The following TEX48 variants were observed in gnomAD, a reference collection of about 807,000 sequenced individuals.
TEX48 encodes the protein testis-expressed protein 48.
Under a neutral mutation model 13.2 loss-of-function variants are expected in TEX48, and 10 were observed. The ratio of observed to expected loss-of-function variants is 0.75; its 90% CI spans 0.47 to 1.28. The LOEUF (loss-of-function observed/expected upper bound fraction) is 1.28. TEX48 is among the 50% of genes most tolerant of loss of function. The pLI is 0.00. For synonymous variants in TEX48, 45 were observed against 52.3 expected, an observed-to-expected ratio of 0.86 and a Z score of 0.60; for missense variants, 116 against 139.4, an observed-to-expected ratio of 0.83 and a Z score of 0.84.
At chr9:114,681,298 A>T (rs1828195712) in intron 1 of TEX48, among the ~76,000 whole-genome samples, 1 of 152,202 alleles carries the variant, frequency 6.6e-6, no homozygotes, top group Non-Finnish European at 1.5e-5. Context: ...AGAGGGTAGT[A>T]GAACCACTTT....
chr9:114,669,098 C>T (rs1770733553), intron 3 of TEX48, among the ~76,000 whole-genome samples: 1 of 152,138 alleles, frequency 6.6e-6, no homozygotes. Flanking sequence ...GCCTCAGCCT[C>T]CCGAAGTGCT....
At chr9:114,671,907 A>G in intron 1 of TEX48, 80 bp from the exon 2 acceptor site, 2 of 644,410 alleles carry the variant, frequency 3.1e-6, no homozygotes, top group South Asian at 3.7e-5. Context: ...TAATGACAGC[A>G]AAATCCCACC....
chr9:114,670,191 T>C (rs761079884), intron 3 of TEX48, among the ~76,000 whole-genome samples: 7 of 152,230 alleles, frequency 4.6e-5, no homozygotes, highest in Middle Eastern at 3.2e-3. Flanking sequence ...CAGTAAGGGA[T>C]TTATCTGATC....
At chr9:114,668,106 C>A in intron 4 of TEX48, 100 bp downstream of exon 4, 1 of 1,424,910 alleles carries the variant, frequency 7.0e-7, no homozygotes, top group Non-Finnish European at 9.4e-7. Context: ...TCCATCTCCC[C>A]ATCTCGCTTA....
At chr9:114,681,442 A>G (rs1828199865) in intron 1 of TEX48, among the ~76,000 whole-genome samples, 1 of 152,214 alleles carries the variant, frequency 6.6e-6, no homozygotes, top group Non-Finnish European at 1.5e-5. Flanking sequence ...ATCTACTGTT[A>G]GCTAGGAAAT....
chr9:114,671,130 C>A (rs1827937597), intron 3 of TEX48, among the ~76,000 whole-genome samples: 1 of 152,216 alleles, frequency 6.6e-6, no homozygotes, highest in African/African-American at 2.4e-5. Flanking sequence ...AGAGCGGGGT[C>A]TGAAAATGCA....
intron 1 of TEX48, among the ~76,000 whole-genome samples, chr9:114,680,817 C>T (rs1291221181): frequency 6.6e-6 from 1 of 152,146 alleles, no homozygotes; most frequent in African/African-American, 2.4e-5. Flanking sequence ...AATGAAACTC[C>T]CTTGGTAACC....
chr9:114,668,071 A>C lies in TEX48; in HGVS notation c.259+135T>G, dbSNP rs568744324. Reference sequence around the variant, plus strand: ...TCTCCCCAGTGTGCTCTGGAATATGACTGGGGCTGCTTGATGGGAGCAATT... The same window carrying C: ...TCTCCCCAGTGTGCTCTGGAATATGCCTGGGGCTGCTTGATGGGAGCAATT... On this transcript the variant is annotated intron_variant, in intron 4 of 4. Coordinates refer to ENST00000436752, the MANE Select transcript of TEX48 (RefSeq NM_001199233.2). The C allele has an allele frequency of 1.0e-4, 119 of 1,141,596 alleles. No homozygotes were observed. In the South Asian group the frequency reaches 1.2e-3, roughly 12 times the overall value. The allele number at this position is 1,141,596 out of a possible 1,614,324, so 70.7% of individuals were successfully genotyped here.
intron 1 of TEX48, among the ~76,000 whole-genome samples, chr9:114,679,273 C>T (rs7875692): frequency 0.058 from 8,699 of 148,966 alleles, 474 homozygotes; most frequent in East Asian, 0.2. Flanking sequence ...AACTAGAAAT[C>T]GAGATAATCT....
At position 114,671,419 on chromosome 9, in the gene TEX48, G is replaced by C. The variant is rs1255921250; in HGVS notation, c.91C>G (p.Pro31Ala). 6.5e-7 allele frequency: 1 copy of C among 1,535,346 alleles called. No homozygotes were observed. The highest frequency in any genetic ancestry group is 1.4e-5 in the African/African-American group (1 of 72,988). ...EPYAINDSKV[P>A]SQTQEHKPST... Reference sequence around the variant, plus strand: ...GGCTTGTGCTCCTGGGTTTGACTGGGAACCTTGGAGTCATTGATGGCATAG... The same window carrying C: ...GGCTTGTGCTCCTGGGTTTGACTGGCAACCTTGGAGTCATTGATGGCATAG... The change falls in exon 3 of 5, where the codon CCC becomes GCC. Residue 31 changes from proline (P) to alanine (A), a missense_variant. Physicochemically the swap from Pro to Ala is conservative, Grantham distance 27. Transcript: ENST00000436752.
chr9:114,666,440 G>T lies in TEX48; in HGVS notation c.*203C>A, dbSNP rs1307644725. 9 of 486,572 alleles carry T rather than the reference G, an allele frequency of 1.8e-5. No individual in the cohort carries two copies. Among genetic ancestry groups the T allele is most frequent in the Non-Finnish European group, 3.6e-6 (1 of 278,498 alleles). The allele number at this position is 486,572 out of a possible 1,614,324, so 30.1% of individuals were successfully genotyped here. A position where few individuals can be genotyped will look rare whatever the true frequency, so the allele number is the denominator to read the frequency against. On this transcript the variant is annotated 3_prime_UTR_variant, in exon 5 of 5. Transcript: ENST00000436752. Reference sequence around the variant, plus strand: ...AAAAGAGAAGGACACATCCTCTGGTGCAATCAAGAACTTTAATTGGAGGCA... The same window carrying T: ...AAAAGAGAAGGACACATCCTCTGGTTCAATCAAGAACTTTAATTGGAGGCA...
At chr9:114,667,905 C>CAAAAAAA (rs1176250476) in intron 4 of TEX48, among the ~76,000 whole-genome samples, 14 of 60,472 alleles carry the variant, frequency 2.3e-4, no homozygotes, top group Admixed American at 4.4e-4. Context: ...GACTCCATCT[C>CAAAAAAA]AAAAAAAAAA....
intron 3 of TEX48, among the ~76,000 whole-genome samples, chr9:114,670,670 T>C (rs535493784): frequency 6.6e-6 from 1 of 152,248 alleles, no homozygotes; most frequent in Non-Finnish European, 1.5e-5. Context: ...AGGCTCTGGC[T>C]AAAGATTTAA....
At chr9:114,681,204 TATC>T (rs1828193314) in intron 1 of TEX48, among the ~76,000 whole-genome samples, 1 of 152,206 alleles carries the variant, frequency 6.6e-6, no homozygotes, top group African/African-American at 2.4e-5. Flanking sequence ...TCGTCCGTAT[TATC>T]AGCAGCGATC....
chr9:114,671,374 G>C lies in TEX48; in HGVS notation c.127+9C>G. 6.5e-7 allele frequency: 1 copy of C among 1,535,096 alleles called. No homozygotes were observed. The highest frequency in any genetic ancestry group is 8.7e-7 in the Non-Finnish European group (1 of 1,146,624). On this transcript the variant is annotated intron_variant, in intron 3 of 4. Transcript: ENST00000436752. The stretch of plus-strand genomic sequence containing the variant: ...GAGGCCATGCAGAGTGTCCTTATCT[G>C]ATACCTACTTTGGGTCGATGGCTTG...
At chr9:114,677,506 A>G (rs1425313037) in intron 1 of TEX48, among the ~76,000 whole-genome samples, 1 of 152,182 alleles carries the variant, frequency 6.6e-6, no homozygotes, top group Non-Finnish European at 1.5e-5. Flanking sequence ...TCATCCACTT[A>G]TAAAAATGCT....
intron 4 of TEX48, among the ~76,000 whole-genome samples, chr9:114,667,301 G>C (rs1233427371): frequency 6.6e-6 from 1 of 152,196 alleles, no homozygotes; most frequent in Non-Finnish European, 1.5e-5. Context: ...TCCTGGGGTG[G>C]TTGTGAGTTA....
chr9:114,680,824 A>G (rs541936514), intron 1 of TEX48, among the ~76,000 whole-genome samples: 3 of 152,200 alleles, frequency 2.0e-5, no homozygotes, highest in Non-Finnish European at 4.4e-5. Flanking sequence ...CTCCCTTGGT[A>G]ACCATTCTAA....
chr9:114,669,794 G>A (rs1827912962), intron 3 of TEX48, among the ~76,000 whole-genome samples: 1 of 151,672 alleles, frequency 6.6e-6, no homozygotes. Context: ...TGCCCAGGCT[G>A]GTCTTGAACT....
Sources: gnomAD v4.1 joint callset for allele counts (sites outside exome capture counted in the v4.1 genomes callset) on GRCh38, gnomAD v4.1.1 for gene constraint, MANE v1.5 for transcripts, NCBI Gene and HGNC (gene_info 2026-07-23, HGNC 2026-07-21) for gene names.